Variants in TNRC18 observed in about 807,000 individuals in gnomAD.
TNRC18 encodes the protein trinucleotide repeat containing 18.
In TNRC18, 69 loss-of-function variants were observed where a neutral mutation model predicts 226.7. That is an observed-to-expected ratio of 0.30 (90% CI 0.25 to 0.37). The LOEUF (loss-of-function observed/expected upper bound fraction) is 0.37. Among genes scored for constraint, TNRC18 ranks in the 10% least tolerant of loss-of-function variants. The pLI, the probability that TNRC18 is intolerant of heterozygous loss-of-function variation, is 1.00. For missense variants in TNRC18, 4,754 were observed against 4,256.6 expected (o/e 1.12, Z -3.25); for synonymous variants, 2,449 against 1,927.6 (o/e 1.27, Z -7.09).
chr7:5,344,919 G>C (rs1177739369), intron 18 of TNRC18, among the ~76,000 whole-genome samples: 1 of 152,170 alleles, frequency 6.6e-6, no homozygotes, highest in Admixed American at 6.5e-5. Flanking sequence ...ATGGACCGGG[G>C]TAAGCGCCAG....
intron 2 of TNRC18, among the ~76,000 whole-genome samples, chr7:5,410,310 C>CAA (rs1157425008): frequency 3.9e-4 from 26 of 66,126 alleles, no homozygotes; most frequent in South Asian, 5.6e-4. Context: ...GACTCTGTCT[C>CAA]AAAAAAAAAA....
At position 5,360,111 on chromosome 7, in the gene TNRC18, A is replaced by G. The variant is rs6951283; in HGVS notation, c.4662-542T>C. ...AGCTGAAACTTCACAGGTGATCGAA[A>G]CAGCCGATCTGTACTTGGCACTCAC... On this transcript the variant is annotated intron_variant, in intron 14 of 29. Transcript: ENST00000430969. 2.6e-3 allele frequency among the ~76,000 whole-genome samples: 391 copies of G among 152,326 alleles called. 5 individuals are homozygous for G. Among genetic ancestry groups the G allele is most frequent in the African/African-American group, 9.2e-3 (384 of 41,558 alleles).
chr7:5,314,686 C>A (rs369636294), intron 26 of TNRC18, among the ~76,000 whole-genome samples: 1 of 150,624 alleles, frequency 6.6e-6, no homozygotes, highest in Non-Finnish European at 1.5e-5. Context: ...GATTCTCCTG[C>A]CTCAGCCTCC....
chr7:5,325,432 T>TG (rs1788810005), intron 19 of TNRC18, 184 bp from the exon 20 acceptor site: 1 of 635,176 alleles, frequency 1.6e-6, no homozygotes. Context: ...TTTTTTGTTT[T>TG]TTTTTTTTTG....
chr7:5,376,161 C>A lies in TNRC18; in HGVS notation c.2672G>T (p.Ser891Ile). 2 of 1,579,222 alleles carry A rather than the reference C, an allele frequency of 1.3e-6. No individual in the cohort carries two copies. The highest frequency in any genetic ancestry group is 1.2e-5 in the South Asian group (1 of 86,082). The stretch of plus-strand genomic sequence containing the variant: ...CAGCTGCTGGGCGTGGTGCAGGGGG[C>A]TGCGGCCCGGCGGGTACAGGGCGGG... ...LWPALYPPGR[S>I]PLHHAQQLQL... The change falls in exon 9 of 30, where the codon AGC (serine) becomes ATC (isoleucine). Residue 891 changes from serine (S) to isoleucine (I), a missense_variant. Ser to Ile is a moderately radical substitution (Grantham distance 142, BLOSUM62 -2). Coordinates refer to ENST00000430969, the MANE Select transcript of TNRC18 (RefSeq NM_001080495.3).
At chr7:5,389,463 T>TTTTTTGTTTTTTTTTTGTTTTTTTG (rs1319180321) in intron 4 of TNRC18, 127 bp from the exon 5 acceptor site, 1 of 1,068,374 alleles carries the variant, frequency 9.4e-7, no homozygotes, top group Non-Finnish European at 1.2e-6. Flanking sequence ...TGGTTTTGGT[T>TTTTTTGTTTTTTTTTTGTTTTTTTG]TTTTTTTTCA....
At chr7:5,345,517 G>GGGGGGGGGCGCCCCCCCCCC in intron 18 of TNRC18, 45 bp downstream of exon 18, 1 of 377,744 alleles carries the variant, frequency 2.6e-6, no homozygotes, top group Non-Finnish European at 4.8e-6. Flanking sequence ...AATGGCGTCC[G>GGGGGGGGGCGCCCCCCCCCC]CCCCTCCCAC....
rs576591453 is a variant in TNRC18 at position 5,324,458 on chromosome 7, G to T, written c.6301-103C>A. On this transcript the variant is annotated intron_variant, in intron 20 of 29. Transcript: ENST00000430969. This position sits in a 1 kb window ranked among gnomAD's most constrained non-coding sequence, Gnocchi z 4.8. ...CCTGGAGCCACAGTCAGGCCGCAGG[G>T]GGAATCTGTCATGTGCATGGCAGGG... The T allele has an allele frequency of 2.7e-6, 4 of 1,475,216 alleles. No homozygotes were observed. In the Admixed American group the frequency reaches 7.3e-5, roughly 27 times the overall value. The allele number at this position is 1,475,216 out of a possible 1,614,324, so 91.4% of individuals were successfully genotyped here.
chr7:5,374,573 G>A (rs895421410), intron 9 of TNRC18, 89 bp from the exon 10 acceptor site: 34 of 1,341,294 alleles, frequency 2.5e-5, no homozygotes, highest in Middle Eastern at 2.4e-4. Context: ...AAGGGTCCCC[G>A]AGTCCGAGGA....
intron 11 of TNRC18, among the ~76,000 whole-genome samples, chr7:5,365,085 C>T (rs1191008911): frequency 6.6e-6 from 1 of 152,094 alleles, no homozygotes; most frequent in Non-Finnish European, 1.5e-5. Flanking sequence ...TTTGATTCAT[C>T]TAAGTCATCT....
chr7:5,365,953 G>C (rs1440885891), intron 11 of TNRC18, among the ~76,000 whole-genome samples: 2 of 152,080 alleles, frequency 1.3e-5, no homozygotes, highest in East Asian at 3.9e-4. Context: ...TGCCTATAAT[G>C]CCAGCTACTC....
In TNRC18 at chr7:5,312,481, G is replaced by T; in HGVS notation, c.8388+22C>A. On this transcript the variant is annotated intron_variant, in intron 27 of 29. Transcript: ENST00000430969. The surrounding 1 kb of genome is among the most constrained non-coding windows in gnomAD (Gnocchi z 6.3). ...ACAAGGCCCCCGGCCCCTCGGCCGT[G>T]CCCGGGCGCGAGCTTGCTCACCTGG... 1 of 1,607,492 alleles carries T rather than the reference G, an allele frequency of 6.2e-7. No homozygotes were observed. Among genetic ancestry groups the T allele is most frequent in the Non-Finnish European group, 8.5e-7 (1 of 1,178,362 alleles).
chr7:5,372,443 A>G (rs1794252416), intron 10 of TNRC18, among the ~76,000 whole-genome samples: 1 of 149,550 alleles, frequency 6.7e-6, no homozygotes, highest in Non-Finnish European at 1.5e-5. Flanking sequence ...GGCCAGTCTC[A>G]AACTCCTAAC....
In TNRC18 at chr7:5,421,262, C is replaced by G. The variant is rs1222397784; in HGVS notation, c.-16G>C. ...GGCCATCCATCCTCCGCGGGAGTGC[C>G]GCGATCAGCCCCCCACCCGGCCCGC... On this transcript the variant is annotated 5_prime_UTR_variant, in exon 2 of 30. Coordinates refer to ENST00000430969, the MANE Select transcript of TNRC18 (RefSeq NM_001080495.3). 1 of 1,282,560 alleles carries G rather than the reference C, an allele frequency of 7.8e-7. No individual in the cohort carries two copies. The highest frequency in any genetic ancestry group is 1.6e-5 in the African/African-American group (1 of 64,338). The allele number at this position is 1,282,560 out of a possible 1,614,324, so 79.4% of individuals were successfully genotyped here. A position where few individuals can be genotyped will look rare whatever the true frequency, so the allele number is the denominator to read the frequency against.
Position 5,362,421 on chromosome 7 carries a change from G to T in TNRC18, c.4395+229C>A, listed in dbSNP as rs114826628. On this transcript the variant is annotated intron_variant, in intron 12 of 29. Coordinates refer to ENST00000430969, the MANE Select transcript of TNRC18 (RefSeq NM_001080495.3). ...TACTCTGTTTCCAGTGGATCACACC[G>T]CGACCTGTGTGATGAGCCTGACATG... Among the ~76,000 whole-genome samples, 555 of 152,214 alleles carry T rather than the reference G, an allele frequency of 3.6e-3. 7 individuals are homozygous for T. The highest frequency in any genetic ancestry group is 0.014 in the Middle Eastern group (4 of 294).
intron 9 of TNRC18, among the ~76,000 whole-genome samples, chr7:5,374,886 C>T (rs146886693): frequency 1.1e-3 from 168 of 152,346 alleles, no homozygotes; most frequent in Non-Finnish European, 2.0e-3. Context: ...TGCTTCACTG[C>T]GTCATCATTT....
intron 17 of TNRC18, among the ~76,000 whole-genome samples, chr7:5,348,343 G>A (rs1791423377): frequency 6.6e-6 from 1 of 152,182 alleles, no homozygotes; most frequent in Non-Finnish European, 1.5e-5. Flanking sequence ...GGGCCGCAGG[G>A]CTGGAAGGTG....
intron 21 of TNRC18, among the ~76,000 whole-genome samples, chr7:5,323,514 T>C (rs1196598616): frequency 6.7e-6 from 1 of 148,682 alleles, no homozygotes; most frequent in Non-Finnish European, 1.5e-5. Flanking sequence ...GCCTCCTAAC[T>C]GGACTCCCTG....
intron 24 of TNRC18, among the ~76,000 whole-genome samples, chr7:5,316,539 A>T (rs1313596354): frequency 6.6e-6 from 1 of 152,010 alleles, no homozygotes; most frequent in South Asian, 2.1e-4. Context: ...TCAGCCTCCC[A>T]AAGTGCTGGG....
Sources: gnomAD v4.1 joint callset for allele counts (sites outside exome capture counted in the v4.1 genomes callset) on GRCh38, gnomAD v4.1.1 for gene constraint, Gnocchi (gnomAD v3.1) non-coding constraint, MANE v1.5 for transcripts, NCBI Gene and HGNC (gene_info 2026-07-23, HGNC 2026-07-21) for gene names.